Variants in FAS observed in about 807,000 individuals in gnomAD.
FAS encodes Fas cell surface death receptor.
A neutral mutation model predicts 33.2 loss-of-function variants in FAS; 5 were observed. That is an observed-to-expected ratio of 0.15 (90% CI 0.08 to 0.32). The LOEUF (loss-of-function observed/expected upper bound fraction) is 0.32, where lower values mean the gene tolerates loss of function less well. Among genes scored for constraint, FAS ranks in the 10% least tolerant of loss-of-function variants. The pLI is 1.00. For missense variants in FAS, 339 were observed against 386.0 expected (o/e 0.88, Z 1.02); for synonymous variants, 131 against 130.7 (o/e 1.00, Z -0.01).
exon 2 of FAS, chr10:88,973,218 G>C: frequency 6.2e-7 from 1 of 1,612,474 alleles, no homozygotes; most frequent in Non-Finnish European, 8.5e-7. Flanking sequence ...TTCTGGCACT[G>C]CTTTGGAGAT....
intron 1 of FAS, chr10:88,973,120 A>T: frequency 6.7e-7 from 1 of 1,493,830 alleles, no homozygotes; most frequent in Non-Finnish European, 9.0e-7. Context: ...TTTCTATTTT[A>T]ATTTTTCCTG....
At chr10:88,970,793 C>T (rs1383603419) in intron 1 of FAS, among the ~76,000 whole-genome samples, 1 of 152,080 alleles carries the variant, frequency 6.6e-6, no homozygotes, top group African/African-American at 2.4e-5. Context: ...GGGTACAGCA[C>T]ACCAACATGG....
At chr10:89,008,480 C>T (rs527997056) in intron 3 of FAS, among the ~76,000 whole-genome samples, 3 of 152,268 alleles carry the variant, frequency 2.0e-5, no homozygotes, top group Non-Finnish European at 4.4e-5. Context: ...TGTTTAGGTC[C>T]CATCTCAGGG....
At chr10:89,012,952 T>C (rs1017482223) in intron 7 of FAS, 4 of 156,148 alleles carry the variant, frequency 2.6e-5, no homozygotes, top group Admixed American at 1.9e-4. Context: ...TAAATTAATA[T>C]GGTAAAAAAA....
intron 8 of FAS, 92 bp downstream of exon 8, chr10:89,013,459 C>A: frequency 1.7e-6 from 2 of 1,192,348 alleles, no homozygotes; most frequent in East Asian, 2.3e-5. Context: ...ATTTCAGTGA[C>A]ATATTATGGG....
At chr10:89,009,113 T>C (rs1848398891) in intron 4 of FAS, 116 bp downstream of exon 4, 1 of 975,744 alleles carries the variant, frequency 1.0e-6, no homozygotes, top group Non-Finnish European at 1.6e-6. Flanking sequence ...CTGCTTTGCC[T>C]CCAAGCAACT....
At position 89,015,509 on chromosome 10, in the gene FAS, T is replaced by A; in HGVS notation, c.*1059T>A. On this transcript the variant is annotated 3_prime_UTR_variant, in exon 9 of 9. Coordinates refer to ENST00000652046, the MANE Select transcript of FAS (RefSeq NM_000043.6). Reference sequence around the variant, plus strand: ...AGCAATGGTAAAATCATCATCTGGATTTAGGAATTGCTCTTGTCATACCCC... The same window carrying A: ...AGCAATGGTAAAATCATCATCTGGAATTAGGAATTGCTCTTGTCATACCCC... The A allele has an allele frequency of 1.9e-6, 1 of 534,660 alleles. No individual in the cohort carries two copies. 33.1% of individuals were successfully genotyped at this position (534,660 alleles called of 1,614,324 possible).
At chr10:88,964,231 A>C (rs1312608146) in intron 1 of FAS, among the ~76,000 whole-genome samples, 2 of 152,168 alleles carry the variant, frequency 1.3e-5, no homozygotes, top group African/African-American at 4.8e-5. Context: ...CCTGCAAAAA[A>C]AGGCAGATGA....
chr10:89,000,561 G>A (rs1926194), intron 1 of FAS, among the ~76,000 whole-genome samples: 75,813 of 152,038 alleles, frequency 0.5, 19,578 homozygotes, highest in South Asian at 0.56. Context: ...AAGATAATAT[G>A]CTGCTGAAAC....
chr10:89,007,341 C>T (rs773895910), intron 2 of FAS, among the ~76,000 whole-genome samples: 53 of 152,212 alleles, frequency 3.5e-4, no homozygotes, highest in Non-Finnish European at 7.4e-4. Context: ...GCTATCCCCA[C>T]TCTGAATATA....
chr10:89,004,866 T>G (rs1454741825), intron 2 of FAS, among the ~76,000 whole-genome samples: 1 of 152,124 alleles, frequency 6.6e-6, no homozygotes, highest in African/African-American at 2.4e-5. Context: ...TCTTGTTGAA[T>G]TTTAGGCTTA....
chr10:88,995,713 C>T (rs1419988802), intron 1 of FAS, among the ~76,000 whole-genome samples: 4 of 152,106 alleles, frequency 2.6e-5, no homozygotes. Context: ...GTTATCTCAG[C>T]TACTCGGGAG....
chr10:88,999,719 A>G (rs1006584384), intron 1 of FAS, among the ~76,000 whole-genome samples: 4 of 152,220 alleles, frequency 2.6e-5, no homozygotes, highest in African/African-American at 9.6e-5. Flanking sequence ...ATATCTGTTT[A>G]TTCCTAGTTC....
At chr10:88,987,584 T>A (rs1163192708), upstream of FAS, among the ~76,000 whole-genome samples, 3 of 152,210 alleles carry the variant, frequency 2.0e-5, no homozygotes, top group African/African-American at 7.2e-5. Flanking sequence ...TATTTCTACT[T>A]CAAATCCAAT....
chr10:88,973,213 G>A, exon 2 of FAS: 1 of 1,612,104 alleles, frequency 6.2e-7, no homozygotes, highest in Non-Finnish European at 8.5e-7. Flanking sequence ...ATAATTTCTG[G>A]CACTGCTTTG....
intron 1 of FAS, among the ~76,000 whole-genome samples, chr10:88,966,972 C>T (rs374159461): frequency 2.0e-5 from 3 of 152,312 alleles, no homozygotes; most frequent in South Asian, 2.1e-4. Context: ...AAGAGCAACA[C>T]GGCTCAAACA....
Position 89,007,702 on chromosome 10 carries a change from G to A in FAS, c.199G>A (p.Glu67Lys). 1 of 1,613,854 alleles carries A rather than the reference G, an allele frequency of 6.2e-7. No individual in the cohort carries two copies. ...TTGCTCCTTTTTTCCTTGGGCAGGTGAAAGGAAAGCTAGGGACTGCACAGT... is the reference window on the plus strand; with the variant it reads ...TTGCTCCTTTTTTCCTTGGGCAGGTAAAAGGAAAGCTAGGGACTGCACAGT... ...QFCHKPCPPG[E>K]RKARDCTVNG... Residue 67 changes from glutamate to lysine, a missense_variant and splice_region_variant, in exon 3 of 9, where the codon GAA (glutamate) becomes AAA (lysine). Coordinates refer to ENST00000652046, the MANE Select transcript of FAS (RefSeq NM_000043.6).
chr10:88,967,024 T>C (rs1422516636), intron 1 of FAS, among the ~76,000 whole-genome samples: 1 of 151,872 alleles, frequency 6.6e-6, no homozygotes, highest in Admixed American at 6.6e-5. Context: ...AGCCTGGGAG[T>C]TTATACAACA....
rs376591116 is a variant in FAS, at chr10:88,990,956, G to C, written c.30+50G>C. ...AGGCTTACCCCGTCTTAGTCCCGGGGATAGGCAAAGTGGGGCGGGCGCGGG... is the reference window on the plus strand; with the variant it reads ...AGGCTTACCCCGTCTTAGTCCCGGGCATAGGCAAAGTGGGGCGGGCGCGGG... On this transcript the variant is annotated intron_variant, in intron 1 of 8. Coordinates refer to ENST00000652046, the MANE Select transcript of FAS (RefSeq NM_000043.6). This position sits in a 1 kb window ranked among gnomAD's most constrained non-coding sequence, Gnocchi z 4.9. 44 of 1,613,366 alleles carry C rather than the reference G, an allele frequency of 2.7e-5. No homozygotes were observed. The highest frequency in any genetic ancestry group is 3.7e-5 in the Non-Finnish European group (44 of 1,179,458).
Sources: gnomAD v4.1 joint callset for allele counts (sites outside exome capture counted in the v4.1 genomes callset) on GRCh38, gnomAD v4.1.1 for gene constraint, Gnocchi (gnomAD v3.1) non-coding constraint, MANE v1.5 for transcripts, NCBI Gene and HGNC (gene_info 2026-07-23, HGNC 2026-07-21) for gene names.